PAPPA: variants seen among roughly 807,000 people sequenced by gnomAD.
The protein encoded by PAPPA is pappalysin 1.
PAPPA carries 60 observed loss-of-function variants against 164.0 expected under a neutral mutation model. The ratio of observed to expected loss-of-function variants is 0.37; its 90% CI spans 0.30 to 0.45. The LOEUF is 0.45. Ranked by LOEUF, PAPPA falls within the 20% of genes least tolerant of loss-of-function variation. PAPPA has a pLI of 1.00. For synonymous variants in PAPPA, 875 were observed against 814.1 expected, an observed-to-expected ratio of 1.07 and a Z score of -1.27; for missense variants, 1,782 against 2,087.3, an observed-to-expected ratio of 0.85 and a Z score of 2.85.
intron 21 of PAPPA, among the ~76,000 whole-genome samples, chr9:116,393,659 G>C (rs535619950): frequency 2.4e-4 from 37 of 152,190 alleles, no homozygotes; most frequent in Non-Finnish European, 2.2e-4. Context: ...AATTATTTTT[G>C]CACCAACCTA....
intron 1 of PAPPA, among the ~76,000 whole-genome samples, chr9:116,174,273 G>A (rs1843807182): frequency 6.6e-6 from 1 of 151,742 alleles, no homozygotes; most frequent in African/African-American, 2.4e-5. Flanking sequence ...TGCCTGTCTG[G>A]CCTTGTCCCT....
intron 19 of PAPPA, among the ~76,000 whole-genome samples, chr9:116,369,761 A>G (rs979867762): frequency 9.9e-6 from 1 of 100,940 alleles, no homozygotes; most frequent in African/African-American, 3.8e-5. Context: ...CCTCCCCACC[A>G]TTGCCCACCC....
At chr9:116,227,006 T>C (rs1844518482) in intron 5 of PAPPA, among the ~76,000 whole-genome samples, 1 of 152,208 alleles carries the variant, frequency 6.6e-6, no homozygotes, top group African/African-American at 2.4e-5. Flanking sequence ...AAACACAAGA[T>C]GGTGTCTGGC....
chr9:116,182,842 CAGG>C (rs1215963869), intron 1 of PAPPA, among the ~76,000 whole-genome samples: 1 of 152,180 alleles, frequency 6.6e-6, no homozygotes, highest in Non-Finnish European at 1.5e-5. Flanking sequence ...GGTTCCGTAA[CAGG>C]AGGACCATGG....
At chr9:116,314,862 T>G (rs2118915083) in intron 10 of PAPPA, among the ~76,000 whole-genome samples, 1 of 152,342 alleles carries the variant, frequency 6.6e-6, no homozygotes, top group South Asian at 2.1e-4. Context: ...TACAGAATAC[T>G]TCTGGAATTA....
intron 10 of PAPPA, among the ~76,000 whole-genome samples, chr9:116,303,465 C>A (rs1845604850): frequency 6.6e-6 from 1 of 152,164 alleles, no homozygotes; most frequent in Non-Finnish European, 1.5e-5. Flanking sequence ...ATGCCTCAGT[C>A]CCCTAATGCA....
intron 13 of PAPPA, among the ~76,000 whole-genome samples, chr9:116,341,152 T>G (rs1323631773): frequency 1.3e-5 from 2 of 152,140 alleles, no homozygotes; most frequent in Non-Finnish European, 2.9e-5. Context: ...GTGATTCTTG[T>G]GCTTCAGCCT....
At chr9:116,378,579 A>C (rs1051790892) in intron 20 of PAPPA, among the ~76,000 whole-genome samples, 4 of 152,144 alleles carry the variant, frequency 2.6e-5, no homozygotes, top group Non-Finnish European at 5.9e-5. Context: ...AATCTCAACT[A>C]ATCTTTTATT....
chr9:116,244,994 A>G (rs937782970), intron 7 of PAPPA, among the ~76,000 whole-genome samples: 111 of 152,326 alleles, frequency 7.3e-4, no homozygotes, highest in African/African-American at 2.7e-3. Flanking sequence ...AAGGAGTGGA[A>G]TCTTGTCGTT....
At position 116,344,719 on chromosome 9, in the gene PAPPA, C is replaced by G; in HGVS notation, c.3780+8C>G. 3.1e-6 allele frequency: 5 copies of G among 1,610,494 alleles called. No individual in the cohort carries two copies. Among genetic ancestry groups the G allele is most frequent in the Non-Finnish European group, 4.2e-6 (5 of 1,177,290 alleles). ...GAGCTGATCAAGAGCCAGGTATGTG[C>G]AGGTGCTGAGCTCAGAGCCTCTCTG... On this transcript the variant is annotated splice_region_variant and intron_variant, in intron 14 of 21. Coordinates refer to ENST00000328252, the MANE Select transcript of PAPPA (RefSeq NM_002581.5).
At chr9:116,260,048 AAAAG>A (rs1490923358) in intron 7 of PAPPA, among the ~76,000 whole-genome samples, 1 of 152,220 alleles carries the variant, frequency 6.6e-6, no homozygotes, top group East Asian at 1.9e-4. Context: ...TGCTAAGGAA[AAAAG>A]AAAAACAGCC....
At chr9:116,352,960 A>G in intron 16 of PAPPA, 44 bp downstream of exon 16, 1 of 1,469,946 alleles carries the variant, frequency 6.8e-7, no homozygotes, top group Non-Finnish European at 9.5e-7. Context: ...CTGGGAGGAC[A>G]AGAGTTAGGT....
At chr9:116,366,629 G>C (rs1446324516) in intron 18 of PAPPA, among the ~76,000 whole-genome samples, 2 of 152,054 alleles carry the variant, frequency 1.3e-5, no homozygotes, top group Non-Finnish European at 2.9e-5. Flanking sequence ...AATACTTATT[G>C]GGTGCCTATA....
intron 5 of PAPPA, among the ~76,000 whole-genome samples, chr9:116,224,335 A>G (rs924979336): frequency 3.9e-5 from 6 of 152,214 alleles, no homozygotes; most frequent in African/African-American, 1.4e-4. Context: ...TATTGGAAAT[A>G]GTACTGGACT....
At chr9:116,215,598 G>A (rs1844360732) in intron 4 of PAPPA, among the ~76,000 whole-genome samples, 1 of 152,152 alleles carries the variant, frequency 6.6e-6, no homozygotes, top group African/African-American at 2.4e-5. Context: ...TTGAAGTGTG[G>A]AGAGTGGTAG....
At chr9:116,224,007 C>T (rs1844475245) in intron 5 of PAPPA, among the ~76,000 whole-genome samples, 1 of 152,200 alleles carries the variant, frequency 6.6e-6, no homozygotes, top group African/African-American at 2.4e-5. Flanking sequence ...GCAACATTTT[C>T]CAGAGCTGTT....
At chr9:116,280,738 A>G (rs904403704) in intron 9 of PAPPA, among the ~76,000 whole-genome samples, 2 of 152,220 alleles carry the variant, frequency 1.3e-5, no homozygotes, top group East Asian at 1.9e-4. Context: ...ACCACCACCC[A>G]TGGCCAACCC....
intron 21 of PAPPA, among the ~76,000 whole-genome samples, chr9:116,391,262 A>AG (rs1244018817): frequency 6.6e-6 from 1 of 152,186 alleles, no homozygotes; most frequent in Non-Finnish European, 1.5e-5. Context: ...AGAAACTTAC[A>AG]GGGGAATCCT....
intron 9 of PAPPA, among the ~76,000 whole-genome samples, chr9:116,283,481 C>T (rs919677526): frequency 6.6e-6 from 1 of 152,052 alleles, no homozygotes; most frequent in Non-Finnish European, 1.5e-5. Context: ...GGTGAGTGGG[C>T]AGTTCTCATC....
Sources: allele counts gnomAD v4.1 joint callset (sites outside exome capture counted in the v4.1 genomes callset), GRCh38; gene constraint gnomAD v4.1.1; transcripts MANE v1.5; gene names NCBI Gene and HGNC (gene_info 2026-07-23, HGNC 2026-07-21).